TRHR: variants seen among roughly 807,000 people sequenced by gnomAD.
TRHR encodes thyrotropin-releasing hormone receptor.
Under a neutral mutation model 28.0 loss-of-function variants are expected in TRHR, and 14 were observed. The ratio of observed to expected loss-of-function variants is 0.50; its 90% confidence interval spans 0.33 to 0.78. TRHR has a LOEUF of 0.78. TRHR is among the 30% of genes least tolerant of loss of function. The pLI is 0.02. For synonymous variants in TRHR, 176 were observed against 171.9 expected, an observed-to-expected ratio of 1.02 and a Z score of -0.18; for missense variants, 438 against 469.5, an observed-to-expected ratio of 0.93 and a Z score of 0.62.
At position 109,114,674 on chromosome 8, in the gene TRHR, C is replaced by G. The variant is rs181998418; in HGVS notation, c.790-4374C>G. ...TTACACTTCCAGATTGTCACACATA[C>G]TTAATCTCTGCAAGAACAGTCTTCT... On this transcript the variant is annotated intron_variant, in intron 2 of 2. Transcript: ENST00000518632. Among the ~76,000 whole-genome samples the G allele has an allele frequency of 7.2e-4, 109 of 152,178 alleles. 1 individual carries two copies. Among genetic ancestry groups the G allele is most frequent in the African/African-American group, 2.5e-3 (102 of 41,550 alleles).
In TRHR at chr8:109,101,129, A is replaced by G. The variant is rs376150732; in HGVS notation, c.789+12828A>G. ...TTTGGGGAAGACCACTCTGTCTCCAATGTGGCCAAATAATTGGACCAAAGT... is the reference window on the plus strand; with the variant it reads ...TTTGGGGAAGACCACTCTGTCTCCAGTGTGGCCAAATAATTGGACCAAAGT... On this transcript the variant is annotated intron_variant, in intron 2 of 2. Coordinates refer to ENST00000518632, the MANE Select transcript of TRHR (RefSeq NM_003301.7). 5.3e-5 allele frequency among the ~76,000 whole-genome samples: 8 copies of G among 152,338 alleles called. No individual in the cohort carries two copies. The East Asian group carries it at 5.8e-4, about 11-fold the overall frequency.
At chr8:109,100,575 A>G (rs1811663847) in intron 2 of TRHR, among the ~76,000 whole-genome samples, 1 of 152,186 alleles carries the variant, frequency 6.6e-6, no homozygotes, top group Admixed American at 6.6e-5. Flanking sequence ...CTATGATTTA[A>G]TTAAAAACAT....
intron 2 of TRHR, among the ~76,000 whole-genome samples, chr8:109,114,942 C>T (rs4734190): frequency 0.3 from 45,422 of 151,778 alleles, 7,368 homozygotes; most frequent in East Asian, 0.48. Flanking sequence ...GATGCAAATG[C>T]GTAACTTAGA....
At chr8:109,116,739 T>C (rs1032267162) in intron 2 of TRHR, among the ~76,000 whole-genome samples, 1 of 151,984 alleles carries the variant, frequency 6.6e-6, no homozygotes, top group Non-Finnish European at 1.5e-5. Context: ...ATTCCTTCCA[T>C]GCCTGAATGT....
intron 2 of TRHR, among the ~76,000 whole-genome samples, chr8:109,099,557 C>G (rs76001698): frequency 0.013 from 1,927 of 152,232 alleles, 42 homozygotes; most frequent in African/African-American, 0.037. Context: ...GAGTCAAACA[C>G]GACACTTGAG....
At chr8:109,114,858 TG>T (rs1811894781) in intron 2 of TRHR, among the ~76,000 whole-genome samples, 1 of 152,062 alleles carries the variant, frequency 6.6e-6, no homozygotes. Context: ...TTAAGGTACA[TG>T]ATTGCATTGC....
intron 2 of TRHR, among the ~76,000 whole-genome samples, chr8:109,111,128 G>C (rs1033151282): frequency 1.3e-5 from 2 of 151,994 alleles, no homozygotes; most frequent in African/African-American, 4.8e-5. Flanking sequence ...CTCCAGCCTG[G>C]GCGACAGAGT....
intron 2 of TRHR, among the ~76,000 whole-genome samples, chr8:109,098,736 T>C (rs1415711771): frequency 6.6e-6 from 1 of 152,152 alleles, no homozygotes; most frequent in East Asian, 1.9e-4. Context: ...CCTCCAGTCT[T>C]GAGCACTCGG....
intron 2 of TRHR, among the ~76,000 whole-genome samples, chr8:109,109,629 G>T (rs1461560072): frequency 6.6e-6 from 1 of 152,072 alleles, no homozygotes; most frequent in Non-Finnish European, 1.5e-5. Context: ...AGAAAGCACT[G>T]CATAGTTCCT....
chr8:109,115,135 C>T (rs1461316456), intron 2 of TRHR, among the ~76,000 whole-genome samples: 6 of 151,928 alleles, frequency 3.9e-5, no homozygotes, highest in African/African-American at 1.2e-4. Context: ...AGATATGCGG[C>T]GTTATTTCTG....
At chr8:109,089,989 T>C (rs1259102920) in intron 2 of TRHR, among the ~76,000 whole-genome samples, 1 of 152,224 alleles carries the variant, frequency 6.6e-6, no homozygotes, top group Admixed American at 6.5e-5. Context: ...ATGTTACATG[T>C]TCACAGTCTT....
At chr8:109,099,863 G>C (rs1399157934) in intron 2 of TRHR, among the ~76,000 whole-genome samples, 1 of 152,138 alleles carries the variant, frequency 6.6e-6, no homozygotes. Context: ...CTGGGCCTTT[G>C]TTGTTTGAGT....
In TRHR at chr8:109,088,158, A is replaced by G; in HGVS notation, c.646A>G (p.Arg216Gly). 2 of 1,614,194 alleles carry G rather than the reference A, an allele frequency of 1.2e-6. No homozygotes were observed. The highest frequency in any genetic ancestry group is 1.1e-5 in the South Asian group (1 of 91,080). Residue 216 changes from arginine (R) to glycine (G), a missense_variant, in exon 2 of 3, where the codon AGA (arginine) becomes GGA (glycine). Coordinates refer to ENST00000518632, the MANE Select transcript of TRHR (RefSeq NM_003301.7). Reference sequence around the variant, plus strand: ...TACCGTCCTCTATGGATTCATAGCTAGAATCCTTTTCTTAAATCCCATTCC... The same window carrying G: ...TACCGTCCTCTATGGATTCATAGCTGGAATCCTTTTCTTAAATCCCATTCC... ...LATVLYGFIA[R>G]ILFLNPIPSD... is the part of the protein sequence containing the mutation.
chr8:109,104,546 A>G (rs903258862), intron 2 of TRHR, among the ~76,000 whole-genome samples: 1 of 152,084 alleles, frequency 6.6e-6, no homozygotes, highest in African/African-American at 2.4e-5. Context: ...GAAGATTTGA[A>G]TGTATTATAT....
At position 109,119,614 on chromosome 8, in the gene TRHR, G is replaced by A. The variant is rs1301860730; in HGVS notation, c.*159G>A. 1 of 782,090 alleles carries A rather than the reference G, an allele frequency of 1.3e-6. No individual in the cohort carries two copies. 48.4% of individuals were successfully genotyped at this position (782,090 alleles called of 1,614,324 possible). On this transcript the variant is annotated 3_prime_UTR_variant, in exon 3 of 3. Coordinates refer to ENST00000518632, the MANE Select transcript of TRHR (RefSeq NM_003301.7). ...GGCCCTAGATACTTTAACCCATGAGGATGATTCAGACTTTCCTTCTTACAA... is the reference window on the plus strand; with the variant it reads ...GGCCCTAGATACTTTAACCCATGAGAATGATTCAGACTTTCCTTCTTACAA...
In TRHR at chr8:109,120,101, C is replaced by G. The variant is rs761624149; in HGVS notation, c.*646C>G. Among the ~76,000 whole-genome samples, 33 of 151,720 alleles carry G rather than the reference C, an allele frequency of 2.2e-4. No individual in the cohort carries two copies. Among genetic ancestry groups the G allele is most frequent in the Non-Finnish European group, 4.0e-4 (27 of 67,836 alleles). Reference sequence around the variant, plus strand: ...CTCAACTTTAATGTAAAATAAACCTCAAAATATCTGAAATTATTAATTAAG... The same window carrying G: ...CTCAACTTTAATGTAAAATAAACCTGAAAATATCTGAAATTATTAATTAAG... On this transcript the variant is annotated 3_prime_UTR_variant, in exon 3 of 3. Coordinates refer to ENST00000518632, the MANE Select transcript of TRHR (RefSeq NM_003301.7).
intron 2 of TRHR, among the ~76,000 whole-genome samples, chr8:109,094,208 G>A (rs1052358629): frequency 1.3e-5 from 2 of 151,548 alleles, no homozygotes; most frequent in African/African-American, 4.9e-5. Context: ...GGTTTCCTGA[G>A]AGTACTGAGG....
At chr8:109,107,381 G>C (rs74663167) in intron 2 of TRHR, among the ~76,000 whole-genome samples, 4 of 152,184 alleles carry the variant, frequency 2.6e-5, no homozygotes, top group African/African-American at 9.6e-5. Flanking sequence ...TTTCACAGAC[G>C]TATATACTGA....
Position 109,120,191 on chromosome 8 carries a change from T to C in TRHR, c.*736T>C, listed in dbSNP as rs5778. Reference sequence around the variant, plus strand: ...CTCTTCCAGCCTCCCACATGATGGGTGGAAAAAGGCAAAAGCCCAGATTAA... The same window carrying C: ...CTCTTCCAGCCTCCCACATGATGGGCGGAAAAAGGCAAAAGCCCAGATTAA... On this transcript the variant is annotated 3_prime_UTR_variant, in exon 3 of 3. Coordinates refer to ENST00000518632, the MANE Select transcript of TRHR (RefSeq NM_003301.7). 0.4 allele frequency among the ~76,000 whole-genome samples: 60,430 copies of C among 151,546 alleles called. 12,307 individuals are homozygous for C. Among genetic ancestry groups the C allele is most frequent in the Admixed American group, 0.5 (7,614 of 15,172 alleles).
Sources: gnomAD v4.1 joint callset for allele counts (sites outside exome capture counted in the v4.1 genomes callset) on GRCh38, gnomAD v4.1.1 for gene constraint, MANE v1.5 for transcripts, NCBI Gene and HGNC (gene_info 2026-07-23, HGNC 2026-07-21) for gene names.